Variants in KYNU observed in about 807,000 individuals in gnomAD.
KYNU encodes L-kynurenine hydrolase.
A neutral mutation model predicts 59.2 loss-of-function variants in KYNU; 54 were observed. The ratio of observed to expected loss-of-function variants is 0.91; its 90% CI spans 0.73 to 1.14. KYNU has a LOEUF of 1.14. Ranked by LOEUF, KYNU falls within the 50% of genes most tolerant of loss-of-function variation. KYNU has a pLI of 0.00. For synonymous variants in KYNU, 177 were observed against 192.0 expected (o/e 0.92, Z 0.65); for missense variants, 567 against 554.4 (o/e 1.02, Z -0.23).
chr2:143,036,474 G>GT (rs1259100538), intron 12 of KYNU, among the ~76,000 whole-genome samples: 2 of 152,150 alleles, frequency 1.3e-5, no homozygotes, highest in African/African-American at 4.8e-5. Flanking sequence ...GCTAAGAAAG[G>GT]TAAAAACACT....
chr2:143,009,976 A>C (rs1686039703), intron 10 of KYNU, among the ~76,000 whole-genome samples: 1 of 132,642 alleles, frequency 7.5e-6, no homozygotes, highest in African/African-American at 3.1e-5. Flanking sequence ...CAAAAACTGG[A>C]AGCATTCCCT....
intron 8 of KYNU, among the ~76,000 whole-genome samples, chr2:142,969,079 TA>T (rs1684633887): frequency 6.6e-6 from 1 of 152,168 alleles, no homozygotes; most frequent in South Asian, 2.1e-4. Context: ...AGGTTACGTA[TA>T]AGCATCAGAA....
chr2:142,958,507 A>G (rs1329299330), intron 7 of KYNU, among the ~76,000 whole-genome samples: 2 of 152,208 alleles, frequency 1.3e-5, no homozygotes, highest in African/African-American at 4.8e-5. Context: ...TTGGACAATT[A>G]CTTCTTTCAA....
intron 4 of KYNU, among the ~76,000 whole-genome samples, chr2:142,945,155 G>A (rs1288565707): frequency 1.3e-5 from 2 of 152,244 alleles, no homozygotes; most frequent in East Asian, 3.9e-4. Flanking sequence ...TAGCAATCAC[G>A]TTTGCCATGT....
Position 142,932,474 on chromosome 2 carries a change from G to T in KYNU, c.373+4733G>T, listed in dbSNP as rs138588357. 2.6e-5 allele frequency among the ~76,000 whole-genome samples: 4 copies of T among 152,192 alleles called. No homozygotes were observed. The East Asian group carries it at 7.7e-4, about 29-fold the overall frequency. On this transcript the variant is annotated intron_variant, in intron 4 of 13. Coordinates refer to ENST00000264170, the MANE Select transcript of KYNU (RefSeq NM_003937.3). ...ATATGTGATTGTCTGGGGTTTGGTG[G>T]CCCCTGCAATGAATGATGGCAACTT...
chr2:142,997,781 G>C (rs945024529), intron 10 of KYNU, among the ~76,000 whole-genome samples: 2 of 152,084 alleles, frequency 1.3e-5, no homozygotes, highest in African/African-American at 2.4e-5. Context: ...GAGATAAGGG[G>C]TTTAAAGGAT....
At chr2:142,995,239 T>C (rs1157404348) in intron 10 of KYNU, among the ~76,000 whole-genome samples, 1 of 152,132 alleles carries the variant, frequency 6.6e-6, no homozygotes. Flanking sequence ...TCTGAAACTT[T>C]AGAAAACAAT....
chr2:143,038,081 C>T (rs949769446), intron 12 of KYNU, among the ~76,000 whole-genome samples: 1 of 152,154 alleles, frequency 6.6e-6, no homozygotes, highest in Non-Finnish European at 1.5e-5. Context: ...CCCTACGCCC[C>T]TTTAAAAACT....
intron 4 of KYNU, among the ~76,000 whole-genome samples, chr2:142,946,546 A>G (rs1558937226): frequency 2.0e-5 from 3 of 152,002 alleles, no homozygotes; most frequent in African/African-American, 7.3e-5. Flanking sequence ...TTTTGAAAAT[A>G]TTTCTTTTTC....
intron 10 of KYNU, among the ~76,000 whole-genome samples, chr2:143,027,871 TCA>T (rs1686622577): frequency 6.6e-6 from 1 of 152,188 alleles, no homozygotes; most frequent in Non-Finnish European, 1.5e-5. Flanking sequence ...CTCATTTGTC[TCA>T]CTGATGTTTC....
chr2:142,922,482 G>A (rs1682916766), intron 3 of KYNU, among the ~76,000 whole-genome samples: 1 of 152,106 alleles, frequency 6.6e-6, no homozygotes. Context: ...CTCCAGCCTG[G>A]GCAGCAGAGT....
At chr2:142,909,909 A>T (rs1049960041) in intron 2 of KYNU, among the ~76,000 whole-genome samples, 1 of 152,180 alleles carries the variant, frequency 6.6e-6, no homozygotes, top group South Asian at 2.1e-4. Flanking sequence ...ACTAATTTAC[A>T]TTCCCACCAA....
chr2:142,879,656 T>C (rs909063558), intron 1 of KYNU: 1 of 152,224 alleles, frequency 6.6e-6, no homozygotes, highest in Admixed American at 6.5e-5. Context: ...GGACTCAGCA[T>C]CTCAGGCATG....
intron 8 of KYNU, among the ~76,000 whole-genome samples, chr2:142,972,809 T>TAGAGAG (rs1186056484): frequency 1.2e-4 from 16 of 137,388 alleles, no homozygotes; most frequent in African/African-American, 3.1e-4. Context: ...TATATATATA[T>TAGAGAG]ATATAGAGAG....
intron 10 of KYNU, among the ~76,000 whole-genome samples, chr2:143,005,100 T>C (rs352886): frequency 0.18 from 26,756 of 152,072 alleles, 3,009 homozygotes; most frequent in African/African-American, 0.31. Context: ...CCATGTTGGA[T>C]GGAAAGATCT....
In KYNU at chr2:143,040,554, A is replaced by C. The variant is rs754344264; in HGVS notation, c.1168A>C (p.Ile390Leu). 1.2e-6 allele frequency: 2 copies of C among 1,613,100 alleles called. No individual in the cohort carries two copies. The highest frequency in any genetic ancestry group is 2.7e-5 in the African/African-American group (2 of 74,900). ...AGCAACCAAGAAACCAGTTGTGAAC[A>C]TAATTACTCCGTCTCATGTAGAGGA... ...KAATKKPVVN[I>L]ITPSHVEERG... The change falls in exon 13 of 14, where the codon ATA becomes CTA. Residue 390 changes from isoleucine to leucine, a missense_variant. Coordinates refer to ENST00000264170, the MANE Select transcript of KYNU (RefSeq NM_003937.3).
rs146871779 is a variant in KYNU at position 142,881,168 on chromosome 2, GA to G, written c.-20+3435del. On this transcript the variant is annotated intron_variant, in intron 1 of 13. Coordinates refer to ENST00000264170, the MANE Select transcript of KYNU (RefSeq NM_003937.3). ...AGGAAATGGCATGAGAAAAATCACAGAAATAGAAAATTTCATGTGGAGGACA... is the reference window on the plus strand; with the variant it reads ...AGGAAATGGCATGAGAAAAATCACAGAATAGAAAATTTCATGTGGAGGACA... 7.6e-3 allele frequency among the ~76,000 whole-genome samples: 1,158 copies of G among 152,296 alleles called. 7 individuals are homozygous for G. Among genetic ancestry groups the G allele is most frequent in the African/African-American group, 0.027 (1,110 of 41,564 alleles).
intron 4 of KYNU, among the ~76,000 whole-genome samples, chr2:142,945,666 G>T (rs1558936613): frequency 6.6e-6 from 1 of 151,988 alleles, no homozygotes; most frequent in Non-Finnish European, 1.5e-5. Context: ...GTTTTCAACT[G>T]ACTTTGCAGA....
At chr2:143,006,155 T>C (rs1442885246) in intron 10 of KYNU, among the ~76,000 whole-genome samples, 2 of 152,010 alleles carry the variant, frequency 1.3e-5, no homozygotes, top group Admixed American at 6.5e-5. Context: ...CGGGTTCATC[T>C]CACTAGGGAG....
Sources: gnomAD v4.1 joint callset for allele counts (sites outside exome capture counted in the v4.1 genomes callset) on GRCh38, gnomAD v4.1.1 for gene constraint, MANE v1.5 for transcripts, NCBI Gene and HGNC (gene_info 2026-07-23, HGNC 2026-07-21) for gene names.